Variants in ACTN2 observed in about 807,000 individuals in gnomAD.
The protein encoded by ACTN2 is alpha-actinin-2.
ACTN2 carries 39 observed loss-of-function variants against 113.8 expected under a neutral mutation model. The ratio of observed to expected loss-of-function variants is 0.34; its 90% CI spans 0.27 to 0.45. The LOEUF (loss-of-function observed/expected upper bound fraction) is 0.45, where lower values mean the gene tolerates loss of function less well. ACTN2 is among the 20% of genes least tolerant of loss of function. The pLI, the probability that ACTN2 is intolerant of heterozygous loss-of-function variation, is 1.00. For missense variants in ACTN2, 992 were observed against 1,177.9 expected, an observed-to-expected ratio of 0.84 and a Z score of 2.31; for synonymous variants, 429 against 444.1, an observed-to-expected ratio of 0.97 and a Z score of 0.43.
intron 1 of ACTN2, among the ~76,000 whole-genome samples, chr1:236,706,154 T>C (rs535063695): frequency 5.9e-5 from 9 of 152,238 alleles, no homozygotes; most frequent in Middle Eastern, 3.4e-3. Flanking sequence ...TTTCTTAACA[T>C]TTAAGGATTC....
chr1:236,699,900 C>G (rs927829568), intron 1 of ACTN2, among the ~76,000 whole-genome samples: 1 of 152,122 alleles, frequency 6.6e-6, no homozygotes, highest in South Asian at 2.1e-4. Context: ...TTAATAAAAA[C>G]TTTGCTATGA....
intron 7 of ACTN2, among the ~76,000 whole-genome samples, chr1:236,733,206 G>A (rs16834283): frequency 0.088 from 13,377 of 152,070 alleles, 1,119 homozygotes; most frequent in East Asian, 0.23. Context: ...TCCCACTTGG[G>A]TTAATAGCCA....
Position 236,686,645 on chromosome 1 carries a change from C to T in ACTN2, c.-29C>T, listed in dbSNP as rs772077859. On this transcript the variant is annotated 5_prime_UTR_variant, in exon 1 of 21. Transcript: ENST00000366578. ...GCCCGTGCGTCCGAGCCCCTCGCGCCCCGCCGCAGCCCCGGCCAACCGAGC... is the reference window on the plus strand; with the variant it reads ...GCCCGTGCGTCCGAGCCCCTCGCGCTCCGCCGCAGCCCCGGCCAACCGAGC... The T allele has an allele frequency of 1.3e-6, 2 of 1,538,530 alleles. No individual in the cohort carries two copies. Among genetic ancestry groups the T allele is most frequent in the South Asian group, 2.4e-5 (2 of 84,012 alleles).
At chr1:236,694,470 G>A (rs1181884559) in intron 1 of ACTN2, among the ~76,000 whole-genome samples, 7 of 151,850 alleles carry the variant, frequency 4.6e-5, no homozygotes, top group Non-Finnish European at 1.0e-4. Context: ...TGATCCACCC[G>A]CCTCGACCTC....
At chr1:236,762,394 G>T (rs964152254) in intron 20 of ACTN2, 67 bp from the exon 21 acceptor site, 2 of 1,584,886 alleles carry the variant, frequency 1.3e-6, no homozygotes, top group Admixed American at 1.7e-5. Context: ...AAATATGTAA[G>T]TATTAAGACT....
At chr1:236,753,831 C>G in intron 15 of ACTN2, 116 bp from the exon 16 acceptor site, 1 of 1,247,550 alleles carries the variant, frequency 8.0e-7, no homozygotes, top group African/African-American at 1.5e-5. Flanking sequence ...ACCCTCCTCC[C>G]TTCGTTTCTC....
chr1:236,725,870 C>A, intron 4 of ACTN2, 63 bp from the exon 5 acceptor site: 1 of 1,473,632 alleles, frequency 6.8e-7, no homozygotes, highest in Non-Finnish European at 9.5e-7. Flanking sequence ...TCAAAAGTGA[C>A]TAGGAGCTAA....
At chr1:236,686,906 G>A in intron 1 of ACTN2, 107 bp downstream of exon 1, 1 of 1,234,026 alleles carries the variant, frequency 8.1e-7, no homozygotes, top group Non-Finnish European at 1.0e-6. Flanking sequence ...GGCGCTTTGT[G>A]GAGGTGCTGT....
At chr1:236,762,228 A>G (rs2102953258) in intron 20 of ACTN2, among the ~76,000 whole-genome samples, 1 of 152,140 alleles carries the variant, frequency 6.6e-6, no homozygotes, top group East Asian at 1.9e-4. Flanking sequence ...GTAATGCTCC[A>G]TTTGCCTTTA....
At chr1:236,746,830 T>C (rs928264732) in intron 12 of ACTN2, among the ~76,000 whole-genome samples, 1 of 152,196 alleles carries the variant, frequency 6.6e-6, no homozygotes, top group African/African-American at 2.4e-5. Context: ...CTTGTCACTC[T>C]AGTGGCATTA....
intron 4 of ACTN2, among the ~76,000 whole-genome samples, chr1:236,722,906 T>C (rs1658440828): frequency 6.6e-6 from 1 of 152,224 alleles, no homozygotes; most frequent in African/African-American, 2.4e-5. Context: ...CACACAAGGT[T>C]GTTAACCTTT....
intron 11 of ACTN2, among the ~76,000 whole-genome samples, chr1:236,744,257 C>T (rs1365453485): frequency 6.6e-6 from 1 of 152,196 alleles, no homozygotes; most frequent in Non-Finnish European, 1.5e-5. Flanking sequence ...GGGGTTTTAT[C>T]TAAGCATCCC....
rs1659756269 is a variant in ACTN2 at position 236,763,043 on chromosome 1, T to C, written c.*424T>C. ...TGCTATTTGTAAAAAATTTCATTTA[T>C]CTCTAATATGCTTATGTGATTGCCC... is the stretch of plus-strand genomic sequence containing the variant. On this transcript the variant is annotated 3_prime_UTR_variant, in exon 21 of 21. Coordinates refer to ENST00000366578, the MANE Select transcript of ACTN2 (RefSeq NM_001103.4). The C allele has an allele frequency of 6.4e-6, 2 of 314,866 alleles. No individual in the cohort carries two copies. Among genetic ancestry groups the C allele is most frequent in the Non-Finnish European group, 1.2e-5 (2 of 162,432 alleles). 19.5% of individuals were successfully genotyped at this position (314,866 alleles called of 1,614,324 possible).
At chr1:236,731,566 T>C (rs919315956) in intron 7 of ACTN2, among the ~76,000 whole-genome samples, 2 of 152,224 alleles carry the variant, frequency 1.3e-5, no homozygotes, top group African/African-American at 4.8e-5. Flanking sequence ...GGTAAAAAGT[T>C]CAGCTTTGGC....
At chr1:236,739,099 G>T (rs980166810) in intron 9 of ACTN2, among the ~76,000 whole-genome samples, 4 of 152,180 alleles carry the variant, frequency 2.6e-5, no homozygotes, top group African/African-American at 9.6e-5. Flanking sequence ...TTCGACCTGT[G>T]TTTGGTATCG....
Position 236,755,135 on chromosome 1 carries a change from A to T in ACTN2, c.2091A>T (p.Gly697=). ...NYKNNIDKLE[G]DHQLIQEALV... is the part of the protein sequence containing the mutation. ...AGAACAACATCGACAAGCTGGAGGGAGACCATCAGCTCATCCAGGAGGCCC... is the reference window on the plus strand; with the variant it reads ...AGAACAACATCGACAAGCTGGAGGGTGACCATCAGCTCATCCAGGAGGCCC... The change falls in exon 17 of 21, where the codon GGA becomes GGT. Residue 697 remains glycine, a synonymous_variant. Transcript: ENST00000366578. 6.2e-7 allele frequency: 1 copy of T among 1,614,204 alleles called. No individual in the cohort carries two copies. The highest frequency in any genetic ancestry group is 8.5e-7 in the Non-Finnish European group (1 of 1,180,042).
chr1:236,700,759 A>G (rs1246521417), intron 1 of ACTN2, among the ~76,000 whole-genome samples: 1 of 152,172 alleles, frequency 6.6e-6, no homozygotes, highest in Non-Finnish European at 1.5e-5. Context: ...ACAGACATTG[A>G]AAAGGTTCTT....
intron 2 of ACTN2, 33 bp from the exon 3 acceptor site, chr1:236,718,861 C>T: frequency 1.2e-6 from 2 of 1,614,128 alleles, no homozygotes; most frequent in Non-Finnish European, 1.7e-6. Flanking sequence ...GTCACTGTCT[C>T]TATGTCTGCA....
At chr1:236,696,790 TGA>T (rs1219039741) in intron 1 of ACTN2, among the ~76,000 whole-genome samples, 2 of 151,872 alleles carry the variant, frequency 1.3e-5, no homozygotes, top group South Asian at 2.1e-4. Flanking sequence ...CTCAGCCTCC[TGA>T]GTAGCTGAGA....
Sources: gnomAD v4.1 joint callset for allele counts (sites outside exome capture counted in the v4.1 genomes callset) on GRCh38, gnomAD v4.1.1 for gene constraint, MANE v1.5 for transcripts, NCBI Gene and HGNC (gene_info 2026-07-23, HGNC 2026-07-21) for gene names.